The following TASP1 variants were observed in gnomAD, a reference collection of about 807,000 sequenced individuals.
TASP1 encodes threonine aspartase 1.
In TASP1, 16 loss-of-function variants were observed where a neutral mutation model predicts 56.6. That is an observed-to-expected ratio of 0.28 (90% CI 0.19 to 0.43). The LOEUF is 0.43. Among genes scored for constraint, TASP1 ranks in the 20% least tolerant of loss-of-function variants. The pLI is 1.00. For missense variants in TASP1, 393 were observed against 511.6 expected, an observed-to-expected ratio of 0.77 and a Z score of 2.24; for synonymous variants, 179 against 184.2, an observed-to-expected ratio of 0.97 and a Z score of 0.23.
intron 10 of TASP1, among the ~76,000 whole-genome samples, chr20:13,509,058 T>C (rs1363933138): frequency 2.0e-5 from 3 of 151,916 alleles, no homozygotes; most frequent in South Asian, 4.2e-4. Flanking sequence ...TGCAGCATTA[T>C]TCACAATAGC....
chr20:13,113,861 A>C, the TASP1 span, among the ~76,000 whole-genome samples: 1 of 152,208 alleles, frequency 6.6e-6, no homozygotes, highest in East Asian at 1.9e-4. Context: ...TCCATCCAGA[A>C]AGTGGCTGTT....
At chr20:13,280,169 TC>T in the TASP1 span, among the ~76,000 whole-genome samples, 1 of 151,882 alleles carries the variant, frequency 6.6e-6, no homozygotes, top group Non-Finnish European at 1.5e-5. Context: ...TCTTTCTGCC[TC>T]CCCCGCCCCT....
chr20:13,217,370 G>A, the TASP1 span, among the ~76,000 whole-genome samples: 1 of 152,046 alleles, frequency 6.6e-6, no homozygotes, highest in Non-Finnish European at 1.5e-5. Flanking sequence ...AAAAAATTAA[G>A]GATTACATTG....
intron 7 of TASP1, among the ~76,000 whole-genome samples, chr20:13,566,651 T>G (rs1190259481): frequency 6.6e-6 from 1 of 152,058 alleles, no homozygotes; most frequent in East Asian, 1.9e-4. Context: ...GTAAAATATA[T>G]TAGTGGCTAT....
chr20:13,500,462 G>C (rs1052458463), intron 10 of TASP1, among the ~76,000 whole-genome samples: 1 of 151,390 alleles, frequency 6.6e-6, no homozygotes, highest in Non-Finnish European at 1.5e-5. Context: ...GGCAACAGAA[G>C]TAGACTACTA....
chr20:13,581,279 T>C (rs2047116806), intron 5 of TASP1, among the ~76,000 whole-genome samples: 1 of 152,186 alleles, frequency 6.6e-6, no homozygotes, highest in Non-Finnish European at 1.5e-5. Context: ...AGGTTCCTTT[T>C]TAATAGATTT....
chr20:13,119,673 T>C, the TASP1 span, among the ~76,000 whole-genome samples: 9 of 152,210 alleles, frequency 5.9e-5, no homozygotes, highest in Non-Finnish European at 8.8e-5. Flanking sequence ...CCCTTCATGT[T>C]ACACTGCAGT....
rs545519029 is a variant in TASP1, at chr20:13,424,158, A to G, written c.1097-6637T>C. ...GAAATTTTAAAAGGTCAAAATCATT[A>G]TAAGTTTTTTTTAAAATAAATAGAG... On this transcript the variant is annotated intron_variant, in intron 12 of 13. Coordinates refer to ENST00000337743, the MANE Select transcript of TASP1 (RefSeq NM_017714.3). 1.2e-3 allele frequency among the ~76,000 whole-genome samples: 184 copies of G among 152,344 alleles called. No individual in the cohort carries two copies. In the Middle Eastern group the frequency reaches 0.014, roughly 11 times the overall value.
chr20:13,622,120 C>A (rs576986552), intron 4 of TASP1, among the ~76,000 whole-genome samples: 2 of 152,328 alleles, frequency 1.3e-5, no homozygotes, highest in East Asian at 3.9e-4. Context: ...TTCCAAAGCA[C>A]CTCATAACTG....
At chr20:13,147,232 C>T in the TASP1 span, among the ~76,000 whole-genome samples, 22 of 152,208 alleles carry the variant, frequency 1.4e-4, no homozygotes, top group African/African-American at 4.3e-4. Context: ...CCTGGAATCC[C>T]GACATCAAAA....
chr20:13,376,282 T>C, the TASP1 span, among the ~76,000 whole-genome samples: 1 of 152,322 alleles, frequency 6.6e-6, no homozygotes, highest in East Asian at 1.9e-4. Context: ...CAGTTTCAGT[T>C]TTCTGTATAT....
chr20:13,420,468 G>A (rs1274993361), intron 12 of TASP1, among the ~76,000 whole-genome samples: 2 of 152,104 alleles, frequency 1.3e-5, no homozygotes, highest in African/African-American at 4.8e-5. Context: ...AAAAGGCAAA[G>A]CATTGTACTG....
At chr20:13,612,491 AACACAC>A (rs34343791) in intron 4 of TASP1, among the ~76,000 whole-genome samples, 4,514 of 144,064 alleles carry the variant, frequency 0.031, 77 homozygotes, top group Non-Finnish European at 0.042. Context: ...ATTTGTAGCA[AACACAC>A]ACACACACAC....
intron 10 of TASP1, among the ~76,000 whole-genome samples, chr20:13,512,389 C>T (rs181951587): frequency 1.9e-4 from 29 of 152,304 alleles, no homozygotes; most frequent in African/African-American, 4.1e-4. Context: ...TGTCTGTTGG[C>T]TGCATAAATG....
At chr20:13,567,982 A>G (rs1370747743) in intron 7 of TASP1, among the ~76,000 whole-genome samples, 1 of 152,174 alleles carries the variant, frequency 6.6e-6, no homozygotes, top group Non-Finnish European at 1.5e-5. Flanking sequence ...TGCCTGATAT[A>G]AGGACTGTAA....
chr20:13,484,875 C>T (rs1051561796), intron 10 of TASP1, among the ~76,000 whole-genome samples: 1 of 151,964 alleles, frequency 6.6e-6, no homozygotes, highest in Non-Finnish European at 1.5e-5. Context: ...CAAACTAACA[C>T]AGGAACAGAA....
chr20:13,386,313 AAC>A (rs1479463817), downstream of TASP1, among the ~76,000 whole-genome samples: 2 of 152,216 alleles, frequency 1.3e-5, no homozygotes, highest in East Asian at 1.9e-4. Flanking sequence ...TTGTGTTAAA[AAC>A]ACACAGAAAA....
At chr20:13,489,909 T>C (rs1019934321) in intron 10 of TASP1, among the ~76,000 whole-genome samples, 3 of 152,220 alleles carry the variant, frequency 2.0e-5, no homozygotes, top group Admixed American at 2.0e-4. Context: ...TACCATATGT[T>C]CTTTATTCAT....
intron 13 of TASP1, among the ~76,000 whole-genome samples, chr20:13,404,532 G>A (rs537759286): frequency 6.6e-6 from 1 of 152,164 alleles, no homozygotes; most frequent in Admixed American, 6.5e-5. Flanking sequence ...TTTGAGCCCA[G>A]GAATTTGAGG....
Sources: allele counts gnomAD v4.1 joint callset (sites outside exome capture counted in the v4.1 genomes callset), GRCh38; gene constraint gnomAD v4.1.1; transcripts MANE v1.5; gene names NCBI Gene and HGNC (gene_info 2026-07-23, HGNC 2026-07-21).